Variants in MGST2 observed in about 807,000 individuals in gnomAD.
MGST2 encodes the protein glutathione peroxidase MGST2.
In MGST2, 9 loss-of-function variants were observed where a neutral mutation model predicts 16.6. The observed-to-expected ratio is 0.54, with a 90% CI of 0.33 to 0.95. MGST2 has a LOEUF of 0.95. MGST2 is among the 40% of genes least tolerant of loss of function. The probability of loss-of-function intolerance (pLI) is 0.03; values close to 1 mark genes in which losing one functional copy is unlikely to be tolerated. For missense variants in MGST2, 159 were observed against 175.1 expected (o/e 0.91, Z 0.52); for synonymous variants, 79 against 68.0 (o/e 1.16, Z -0.79).
intron 5 of MGST2, chr4:139,730,614 C>A (rs748009799): frequency 1.2e-6 from 2 of 1,612,776 alleles, no homozygotes; most frequent in South Asian, 2.2e-5. Flanking sequence ...AGCCTGGGGG[C>A]ACGGAGGACT....
intron 5 of MGST2, chr4:139,731,333 T>G (rs1196628303): frequency 6.6e-6 from 1 of 150,996 alleles, no homozygotes; most frequent in Non-Finnish European, 1.5e-5. Flanking sequence ...GCGCGGTGTC[T>G]CACGCCTGTA....
chr4:139,688,001 C>G (rs774255715), intron 2 of MGST2, among the ~76,000 whole-genome samples: 5 of 152,176 alleles, frequency 3.3e-5, no homozygotes, highest in Non-Finnish European at 5.9e-5. Flanking sequence ...AATCTGAGCA[C>G]CTTGATCCCT....
At chr4:139,741,336 C>T (rs1729159398), downstream of MGST2, among the ~76,000 whole-genome samples, 1 of 152,116 alleles carries the variant, frequency 6.6e-6, no homozygotes, top group Non-Finnish European at 1.5e-5. Flanking sequence ...TGACCCTGGG[C>T]CTTGCATCCA....
chr4:139,689,573 C>T (rs1453696952), intron 2 of MGST2, among the ~76,000 whole-genome samples: 1 of 152,178 alleles, frequency 6.6e-6, no homozygotes, highest in East Asian at 1.9e-4. Flanking sequence ...CCGGGTCATC[C>T]ATTCAGAGTG....
rs2110936601 is a variant in MGST2 at position 139,715,271 on chromosome 4, T to C, written c.*48+11075T>C. 6.6e-6 allele frequency among the ~76,000 whole-genome samples: 1 copy of C among 152,324 alleles called. No homozygotes were observed. Among genetic ancestry groups the C allele is most frequent in the East Asian group, 1.9e-4 (1 of 5,180 alleles). Reference sequence around the variant, plus strand: ...TCTTCCAATCAGTGCTGCAGTCTATTTCCTTTGTGTTAGGGGGTGTCTCCC... The same window carrying C: ...TCTTCCAATCAGTGCTGCAGTCTATCTCCTTTGTGTTAGGGGGTGTCTCCC... On this transcript the variant is annotated intron_variant, in intron 5 of 5. Transcript: ENST00000616265. The surrounding 1 kb of genome is among the most constrained non-coding windows in gnomAD (Gnocchi z 4.4).
intron 2 of MGST2, among the ~76,000 whole-genome samples, chr4:139,691,697 GATTATT>G (rs3841989): frequency 3.2e-3 from 444 of 137,472 alleles, no homozygotes; most frequent in African/African-American, 0.013. Context: ...TGATGATGAT[GATTATT>G]ATTATTATTA....
chr4:139,671,588 T>C (rs1482631184), intron 1 of MGST2, among the ~76,000 whole-genome samples: 1 of 152,030 alleles, frequency 6.6e-6, no homozygotes, highest in African/African-American at 2.4e-5. Context: ...TGCCTCAGCC[T>C]CCCGAGTAGC....
chr4:139,718,714 T>C (rs1049126627), intron 5 of MGST2: 1 of 152,998 alleles, frequency 6.5e-6, no homozygotes, highest in African/African-American at 2.4e-5. Context: ...GACAGTCCTG[T>C]AGGATCTGTG....
At chr4:139,669,193 G>C (rs895012009) in intron 1 of MGST2, among the ~76,000 whole-genome samples, 2 of 152,088 alleles carry the variant, frequency 1.3e-5, no homozygotes, top group Non-Finnish European at 2.9e-5. Context: ...TTGGCTGAGA[G>C]GAGGACTCCA....
chr4:139,743,201 G>A (rs1227844963), downstream of MGST2, among the ~76,000 whole-genome samples: 1 of 152,214 alleles, frequency 6.6e-6, no homozygotes, highest in African/African-American at 2.4e-5. Flanking sequence ...AAGAGCTGCT[G>A]CAACCATTAC....
intron 5 of MGST2, among the ~76,000 whole-genome samples, chr4:139,724,957 CTA>C (rs1431211038): frequency 6.6e-6 from 1 of 152,160 alleles, no homozygotes; most frequent in East Asian, 1.9e-4. Flanking sequence ...CAGGGTTTTG[CTA>C]TGTTGGCCAG....
At chr4:139,684,808 G>A (rs1307343500) in intron 2 of MGST2, among the ~76,000 whole-genome samples, 2 of 152,164 alleles carry the variant, frequency 1.3e-5, no homozygotes, top group African/African-American at 4.8e-5. Flanking sequence ...CTGTTTTCAG[G>A]ACAGAATTTT....
At chr4:139,669,619 A>G (rs1472342312) in intron 1 of MGST2, among the ~76,000 whole-genome samples, 1 of 152,222 alleles carries the variant, frequency 6.6e-6, no homozygotes, top group Non-Finnish European at 1.5e-5. Context: ...AGGTAGAGAC[A>G]GGGTGAAGGT....
chr4:139,727,004 A>G (rs934691878), intron 5 of MGST2, among the ~76,000 whole-genome samples: 5 of 152,210 alleles, frequency 3.3e-5, no homozygotes, highest in Non-Finnish European at 5.9e-5. Context: ...TTTCATCTGC[A>G]AGGGCTATAA....
chr4:139,736,407 A>C (rs1191930163), intron 5 of MGST2, among the ~76,000 whole-genome samples: 1 of 152,174 alleles, frequency 6.6e-6, no homozygotes, highest in Non-Finnish European at 1.5e-5. Flanking sequence ...CACAGGATGA[A>C]TCGAACACCC....
At position 139,703,484 on chromosome 4, in the gene MGST2, A is replaced by C; in HGVS notation, c.259A>C (p.Ile87Leu). ...TGCTACTTGTCTGGGTCTGGTGTAC[A>C]TATATGGCCGTCACCTATACTTCTG... ...VFATCLGLVY[I>L]YGRHLYFWGY... is the part of the protein sequence containing the mutation. Residue 87 changes from isoleucine to leucine, a missense_variant, in exon 4 of 5, where the codon ATA becomes CTA. Coordinates refer to ENST00000265498, the MANE Select transcript of MGST2 (RefSeq NM_002413.5). The C allele has an allele frequency of 6.2e-7, 1 of 1,613,750 alleles. No homozygotes were observed. The highest frequency in any genetic ancestry group is 8.5e-7 in the Non-Finnish European group (1 of 1,179,934).
At chr4:139,745,860 C>A in the MGST2 span, among the ~76,000 whole-genome samples, 1 of 152,140 alleles carries the variant, frequency 6.6e-6, no homozygotes, top group Non-Finnish European at 1.5e-5. Context: ...ACAATACATC[C>A]TGGGGATGGA....
chr4:139,684,529 A>G (rs948736148), intron 2 of MGST2, among the ~76,000 whole-genome samples: 4 of 152,226 alleles, frequency 2.6e-5, no homozygotes, highest in South Asian at 2.1e-4. Context: ...CTGTTAAGAA[A>G]GAGGCATTAG....
intron 3 of MGST2, chr4:139,698,553 A>G (rs1727062921): frequency 4.3e-6 from 4 of 919,794 alleles, no homozygotes; most frequent in Non-Finnish European, 7.0e-6. Context: ...TGTACGAGCC[A>G]TGGTACAGAG....
Sources: gnomAD v4.1 joint callset for allele counts (sites outside exome capture counted in the v4.1 genomes callset) on GRCh38, gnomAD v4.1.1 for gene constraint, Gnocchi (gnomAD v3.1) non-coding constraint, MANE v1.5 for transcripts, NCBI Gene and HGNC (gene_info 2026-07-23, HGNC 2026-07-21) for gene names.